Variants in POU2F1 observed in about 807,000 individuals in gnomAD.
The protein encoded by POU2F1 is POU class 2 homeobox 1.
In POU2F1, 16 loss-of-function variants were observed where a neutral mutation model predicts 84.9. The observed-to-expected ratio is 0.19, with a 90% CI of 0.13 to 0.29. POU2F1 has a LOEUF of 0.29. POU2F1 is among the 10% of genes least tolerant of loss of function. The probability of loss-of-function intolerance (pLI) is 1.00; values close to 1 mark genes in which losing one functional copy is unlikely to be tolerated. For synonymous variants in POU2F1, 368 were observed against 368.3 expected (o/e 1.00, Z 0.01); for missense variants, 738 against 942.6 (o/e 0.78, Z 2.84).
rs1353678399 is a variant in POU2F1, at chr1:167,308,723, T to C, written c.62-23747T>C. Among the ~76,000 whole-genome samples the C allele has an allele frequency of 4.4e-4, 67 of 152,094 alleles. 2 individuals carry two copies. The highest frequency in any genetic ancestry group is 4.4e-3 in the Admixed American group (67 of 15,274). On this transcript the variant is annotated intron_variant, in intron 1 of 15. Transcript: ENST00000367866. The stretch of plus-strand genomic sequence containing the variant: ...TTGTAGAGACAGGATCTCACTATGT[T>C]GTTCAGGCTGATCTCAAACTCCTGA...
chr1:167,254,460 TC>T (rs1371897964), intron 1 of POU2F1, among the ~76,000 whole-genome samples: 1 of 152,238 alleles, frequency 6.6e-6, no homozygotes, highest in African/African-American at 2.4e-5. Flanking sequence ...TAGGGATAAT[TC>T]TGTTTCTTTG....
At chr1:167,397,401 G>GT (rs1385496919) in intron 10 of POU2F1, among the ~76,000 whole-genome samples, 2 of 152,192 alleles carry the variant, frequency 1.3e-5, no homozygotes, top group Non-Finnish European at 2.9e-5. Flanking sequence ...ATAGAGCTGA[G>GT]TTTAAGGATA....
At chr1:167,364,819 T>C (rs1659577481) in intron 2 of POU2F1, among the ~76,000 whole-genome samples, 1 of 151,838 alleles carries the variant, frequency 6.6e-6, no homozygotes, top group Non-Finnish European at 1.5e-5. Context: ...TCTACCCACC[T>C]TGGCCTCCCA....
intron 13 of POU2F1, among the ~76,000 whole-genome samples, chr1:167,410,792 A>G (rs1475099300): frequency 6.6e-6 from 1 of 152,168 alleles, no homozygotes; most frequent in Non-Finnish European, 1.5e-5. Context: ...CTGGGATCAC[A>G]AGCGTGAGCC....
intron 1 of POU2F1, among the ~76,000 whole-genome samples, chr1:167,222,231 CG>C (rs112647763): frequency 3.3e-5 from 5 of 152,212 alleles, no homozygotes; most frequent in African/African-American, 1.2e-4. Context: ...TGGGGAGGGA[CG>C]GGGATCCCCC....
At chr1:167,370,022 A>T (rs1490532376) in intron 3 of POU2F1, 139 bp from the exon 4 acceptor site, 6 of 612,476 alleles carry the variant, frequency 9.8e-6, no homozygotes. Context: ...TTGTTCATAA[A>T]GTTTTAACTC....
intron 10 of POU2F1, among the ~76,000 whole-genome samples, chr1:167,397,641 G>T (rs1648901925): frequency 1.3e-5 from 2 of 152,154 alleles, no homozygotes; most frequent in African/African-American, 2.4e-5. Context: ...CACCTCCCAG[G>T]TTCAAGTGAT....
At chr1:167,248,199 T>A (rs1650478950) in intron 1 of POU2F1, among the ~76,000 whole-genome samples, 1 of 152,240 alleles carries the variant, frequency 6.6e-6, no homozygotes, top group African/African-American at 2.4e-5. Context: ...GGTAGTTATG[T>A]TTACTTGTTT....
At position 167,396,349 on chromosome 1, in the gene POU2F1, C is replaced by A; in HGVS notation, c.1051C>A (p.Arg351=). Residue 351 remains arginine (R), a synonymous_variant, in exon 10 of 16, where the codon CGA becomes AGA. Transcript: ENST00000367866. Reference sequence around the variant, plus strand: ...TGACTTCAGCCAAACTACCATCTCTCGATTTGAAGCCTTGAACCTCAGCTT... The same window carrying A: ...TGACTTCAGCCAAACTACCATCTCTAGATTTGAAGCCTTGAACCTCAGCTT... ...GNDFSQTTIS[R]FEALNLSFKN... is the part of the protein sequence containing the mutation. The A allele has an allele frequency of 6.2e-7, 1 of 1,614,038 alleles. No homozygotes were observed. The highest frequency in any genetic ancestry group is 1.1e-5 in the South Asian group (1 of 91,086).
intron 1 of POU2F1, among the ~76,000 whole-genome samples, chr1:167,225,902 T>C (rs1242082459): frequency 1.3e-5 from 2 of 152,226 alleles, no homozygotes; most frequent in African/African-American, 4.8e-5. Flanking sequence ...TTAAAAATAA[T>C]GTTGTGTGAC....
At chr1:167,304,348 C>G (rs775971099) in intron 1 of POU2F1, among the ~76,000 whole-genome samples, 2 of 152,074 alleles carry the variant, frequency 1.3e-5, no homozygotes, top group Non-Finnish European at 2.9e-5. Flanking sequence ...GTATTACTGT[C>G]CATTTTACAG....
chr1:167,370,062 T>C, intron 3 of POU2F1, 99 bp from the exon 4 acceptor site: 1 of 1,021,600 alleles, frequency 9.8e-7, no homozygotes, highest in Non-Finnish European at 1.4e-6. Context: ...TCTTCTCAGT[T>C]CTAGCTCGGT....
chr1:167,378,446 G>A (rs1313320632), intron 7 of POU2F1, among the ~76,000 whole-genome samples: 2 of 132,434 alleles, frequency 1.5e-5, no homozygotes, highest in Non-Finnish European at 3.1e-5. Context: ...CACTCTTGTT[G>A]CCCAGGCTGG....
At chr1:167,367,105 A>T (rs1011773614) in intron 3 of POU2F1, among the ~76,000 whole-genome samples, 6 of 152,106 alleles carry the variant, frequency 3.9e-5, no homozygotes, top group Non-Finnish European at 7.4e-5. Flanking sequence ...ACTGCAAACA[A>T]AAGAATTTTA....
At chr1:167,223,435 GGTGTGT>G (rs1267161733) in intron 1 of POU2F1, among the ~76,000 whole-genome samples, 1 of 151,298 alleles carries the variant, frequency 6.6e-6, no homozygotes, top group Non-Finnish European at 1.5e-5. Context: ...TTTGTGTAGG[GGTGTGT>G]GTGAGTGTGA....
chr1:167,263,967 C>T (rs7512289), intron 1 of POU2F1, among the ~76,000 whole-genome samples: 4,432 of 152,190 alleles, frequency 0.029, 226 homozygotes, highest in African/African-American at 0.1. Flanking sequence ...TTGCTATGTG[C>T]CAGGTATTGT....
intron 1 of POU2F1, among the ~76,000 whole-genome samples, chr1:167,221,176 G>A (rs956939462): frequency 3.3e-5 from 5 of 151,520 alleles, no homozygotes; most frequent in South Asian, 2.1e-4. Context: ...GGGGCAAAGG[G>A]GGCTGCGATC....
intron 1 of POU2F1, among the ~76,000 whole-genome samples, chr1:167,323,041 G>A (rs1483095991): frequency 1.3e-5 from 2 of 152,172 alleles, no homozygotes; most frequent in Non-Finnish European, 2.9e-5. Context: ...CATTTTGGGG[G>A]CCTGTCTATG....
intron 2 of POU2F1, among the ~76,000 whole-genome samples, chr1:167,339,249 A>C (rs922563206): frequency 1.3e-5 from 2 of 152,036 alleles, no homozygotes; most frequent in African/African-American, 2.4e-5. Context: ...CTTTTCTTTA[A>C]ACACTTACTA....
Sources: gnomAD v4.1 joint callset for allele counts (sites outside exome capture counted in the v4.1 genomes callset) on GRCh38, gnomAD v4.1.1 for gene constraint, MANE v1.5 for transcripts, NCBI Gene and HGNC (gene_info 2026-07-23, HGNC 2026-07-21) for gene names.